Variants in PRRC2C observed in about 807,000 individuals in gnomAD.
PRRC2C encodes proline rich coiled-coil 2C, also known as protein PRRC2C.
PRRC2C carries 72 observed loss-of-function variants against 317.2 expected under a neutral mutation model. The ratio of observed to expected loss-of-function variants is 0.23; its 90% CI spans 0.19 to 0.28. The LOEUF is 0.28. PRRC2C is among the 10% of genes least tolerant of loss of function. The probability of loss-of-function intolerance (pLI) is 1.00; values close to 1 mark genes in which losing one functional copy is unlikely to be tolerated. For synonymous variants in PRRC2C, 1,296 were observed against 1,205.9 expected, an observed-to-expected ratio of 1.07 and a Z score of -1.55; for missense variants, 3,074 against 3,459.7, an observed-to-expected ratio of 0.89 and a Z score of 2.80.
rs192500627 is a variant in PRRC2C, at chr1:171,540,831, A to G, written c.3365A>G (p.Lys1122Arg). 1.4e-5 allele frequency: 22 copies of G among 1,613,832 alleles called. No homozygotes were observed. Among genetic ancestry groups the G allele is most frequent in the Non-Finnish European group, 1.8e-5 (21 of 1,179,842 alleles). The change falls in exon 16 of 35, where the codon AAG (lysine) becomes AGG (arginine). Residue 1122 changes from lysine (K) to arginine (R), a missense_variant. Coordinates refer to ENST00000647382, the MANE Select transcript of PRRC2C (RefSeq NM_001387844.1). Reference sequence around the variant, plus strand: ...ACTGTTCAGGTAGAGCCTGCAGTTAAGACTGTAAACCAACAGACTATGGCA... The same window carrying G: ...ACTGTTCAGGTAGAGCCTGCAGTTAGGACTGTAAACCAACAGACTATGGCA... ...VSTVQVEPAV[K>R]TVNQQTMAAP...
chr1:171,492,852 A>G (rs1036127927), intron 1 of PRRC2C, among the ~76,000 whole-genome samples: 1 of 151,744 alleles, frequency 6.6e-6, no homozygotes, highest in Admixed American at 6.6e-5. Context: ...CCCAGGTTCA[A>G]GCAATTCTTC....
intron 6 of PRRC2C, among the ~76,000 whole-genome samples, chr1:171,519,398 G>T (rs1049572087): frequency 2.6e-5 from 4 of 152,100 alleles, no homozygotes; most frequent in Non-Finnish European, 5.9e-5. Context: ...CGTTGAGATT[G>T]GTTCATATTT....
At chr1:171,587,421 T>C (rs751647574) in intron 31 of PRRC2C, among the ~76,000 whole-genome samples, 200 bp downstream of exon 31, 1 of 152,222 alleles carries the variant, frequency 6.6e-6, no homozygotes, top group Non-Finnish European at 1.5e-5. Context: ...TAACAAAGAA[T>C]TCACAAATTT....
chr1:171,533,821 A>G (rs567387605), intron 12 of PRRC2C, among the ~76,000 whole-genome samples: 2 of 152,268 alleles, frequency 1.3e-5, no homozygotes, highest in East Asian at 1.9e-4. Flanking sequence ...ACGGGGTTTC[A>G]CTATGTTGGC....
intron 11 of PRRC2C, among the ~76,000 whole-genome samples, chr1:171,531,505 G>A (rs779908799): frequency 1.4e-4 from 21 of 152,094 alleles, no homozygotes; most frequent in African/African-American, 3.1e-4. Flanking sequence ...AAGTGTTTTC[G>A]TTGTGTCATT....
In PRRC2C at chr1:171,532,449, A is replaced by C. The variant is rs1294529961; in HGVS notation, c.1361A>C (p.Gln454Pro). The change falls in exon 12 of 35, where the codon CAA becomes CCA. Residue 454 changes from glutamine (Q) to proline (P), a missense_variant. Coordinates refer to ENST00000647382, the MANE Select transcript of PRRC2C (RefSeq NM_001387844.1). ...ATATGGAAGCAAAGACGAAGACAAC[A>C]ATCAGAAATTTCTGCAGCAGTAGAA... is the stretch of plus-strand genomic sequence containing the variant. ...DEIWKQRRRQ[Q>P]SEISAAVERA... 1 of 1,613,890 alleles carries C rather than the reference A, an allele frequency of 6.2e-7. No homozygotes were observed. The highest frequency in any genetic ancestry group is 1.7e-5 in the Admixed American group (1 of 60,010).
intron 1 of PRRC2C, among the ~76,000 whole-genome samples, chr1:171,489,445 T>G (rs1466853361): frequency 1.3e-5 from 2 of 152,198 alleles, no homozygotes; most frequent in African/African-American, 4.8e-5. Context: ...TATCTTGTAG[T>G]CTTTGGATTC....
intron 15 of PRRC2C, among the ~76,000 whole-genome samples, chr1:171,538,875 T>C (rs1289097944): frequency 6.6e-6 from 1 of 151,990 alleles, no homozygotes; most frequent in Non-Finnish European, 1.5e-5. Context: ...CATACCCGGC[T>C]AATTTTTGTA....
At chr1:171,561,396 A>G (rs1464420183) in intron 20 of PRRC2C, among the ~76,000 whole-genome samples, 1 of 152,202 alleles carries the variant, frequency 6.6e-6, no homozygotes, top group Non-Finnish European at 1.5e-5. Context: ...AGGCTACAGT[A>G]AAGTCATAAC....
intron 1 of PRRC2C, among the ~76,000 whole-genome samples, chr1:171,509,030 G>A (rs1034484285): frequency 2.0e-5 from 3 of 152,052 alleles, no homozygotes; most frequent in Non-Finnish European, 4.4e-5. Flanking sequence ...GGGACTACAG[G>A]CACCTGCCAC....
chr1:171,580,487 G>A (rs528356925), intron 28 of PRRC2C, among the ~76,000 whole-genome samples: 20 of 152,272 alleles, frequency 1.3e-4, no homozygotes, highest in South Asian at 4.1e-4. Context: ...TTTGCAACTA[G>A]GGAAATAATG....
intron 1 of PRRC2C, among the ~76,000 whole-genome samples, chr1:171,492,479 C>T (rs988579192): frequency 3.3e-5 from 5 of 152,076 alleles, no homozygotes; most frequent in Non-Finnish European, 5.9e-5. Context: ...ATCTCTTGAG[C>T]CCAGGAGTTG....
intron 9 of PRRC2C, among the ~76,000 whole-genome samples, chr1:171,524,177 C>G (rs1674124603): frequency 6.6e-6 from 1 of 152,180 alleles, no homozygotes; most frequent in Non-Finnish European, 1.5e-5. Context: ...TGGGTTACTA[C>G]AGCTTTTTCA....
intron 1 of PRRC2C, among the ~76,000 whole-genome samples, chr1:171,496,096 C>G (rs1301285644): frequency 6.6e-6 from 1 of 151,750 alleles, no homozygotes; most frequent in Non-Finnish European, 1.5e-5. Flanking sequence ...CAAATATCAG[C>G]CCAGGGGATT....
chr1:171,502,668 G>GT (rs1669347967), intron 1 of PRRC2C, among the ~76,000 whole-genome samples: 1 of 152,230 alleles, frequency 6.6e-6, no homozygotes, highest in African/African-American at 2.4e-5. Flanking sequence ...GTAGAGAATT[G>GT]TTTTGCTAAA....
At chr1:171,503,213 C>T (rs1157941740) in intron 1 of PRRC2C, among the ~76,000 whole-genome samples, 1 of 152,034 alleles carries the variant, frequency 6.6e-6, no homozygotes, top group African/African-American at 2.4e-5. Context: ...ATAGAGTGCT[C>T]AGTGAATGTT....
At chr1:171,591,208 A>T in intron 34 of PRRC2C, 1 of 1,003,070 alleles carries the variant, frequency 1.0e-6, no homozygotes, top group Non-Finnish European at 1.2e-6. Flanking sequence ...GGTGTTGGTA[A>T]TGCCACAATA....
chr1:171,541,839 C>G lies in PRRC2C; in HGVS notation c.4373C>G (p.Pro1458Arg). 2.5e-6 allele frequency: 4 copies of G among 1,613,746 alleles called. No individual in the cohort carries two copies. The highest frequency in any genetic ancestry group is 3.4e-6 in the Non-Finnish European group (4 of 1,179,854). ...ASKSNEVVAVPTNGTVNNVAQ... is the reference protein window; with the variant it reads ...ASKSNEVVAVRTNGTVNNVAQ... ...AAATCAAATGAGGTGGTAGCAGTGC[C>G]CACAAATGGCACAGTTAATAATGTG... Residue 1458 changes from proline (P) to arginine (R), a missense_variant, in exon 16 of 35, where the codon CCC becomes CGC. Coordinates refer to ENST00000647382, the MANE Select transcript of PRRC2C (RefSeq NM_001387844.1). This position sits in a 1 kb window ranked among gnomAD's most constrained non-coding sequence, Gnocchi z 4.1.
chr1:171,589,877 ATTG>A (rs1183071777), intron 34 of PRRC2C, among the ~76,000 whole-genome samples: 2 of 150,998 alleles, frequency 1.3e-5, no homozygotes, highest in Admixed American at 1.3e-4. Context: ...GGCCAAATGA[ATTG>A]TTATCAAATA....
Sources: gnomAD v4.1 joint callset for allele counts (sites outside exome capture counted in the v4.1 genomes callset) on GRCh38, gnomAD v4.1.1 for gene constraint, Gnocchi (gnomAD v3.1) non-coding constraint, MANE v1.5 for transcripts, NCBI Gene and HGNC (gene_info 2026-07-23, HGNC 2026-07-21) for gene names.